EFCAB11: variants seen among roughly 807,000 people sequenced by gnomAD.
EFCAB11 encodes the protein EF-hand calcium binding domain 11, also known as EF-hand calcium-binding domain-containing protein 11.
A neutral mutation model predicts 23.0 loss-of-function variants in EFCAB11; 14 were observed. That is an observed-to-expected ratio of 0.61 (90% CI 0.40 to 0.95). The LOEUF (loss-of-function observed/expected upper bound fraction) is 0.95. Ranked by LOEUF, EFCAB11 falls within the 40% of genes least tolerant of loss-of-function variation. EFCAB11 has a pLI of 0.00. For synonymous variants in EFCAB11, 65 were observed against 66.6 expected (o/e 0.98, Z 0.11); for missense variants, 198 against 195.8 (o/e 1.01, Z -0.07).
intron 5 of EFCAB11, among the ~76,000 whole-genome samples, chr14:89,805,223 T>C (rs1242925539): frequency 3.3e-5 from 5 of 152,336 alleles, no homozygotes; most frequent in South Asian, 2.1e-4. Context: ...CTCTGTGCCA[T>C]GTAGCAGCTG....
At chr14:89,920,747 T>C (rs1394369810) in intron 5 of EFCAB11, among the ~76,000 whole-genome samples, 1 of 152,040 alleles carries the variant, frequency 6.6e-6, no homozygotes, top group East Asian at 1.9e-4. Flanking sequence ...AGGAAAGATA[T>C]TTTGTGGGCT....
intron 5 of EFCAB11, among the ~76,000 whole-genome samples, chr14:89,816,533 C>G (rs1401478049): frequency 2.0e-5 from 3 of 152,094 alleles, no homozygotes; most frequent in Admixed American, 6.5e-5. Flanking sequence ...TGTTAAAAGG[C>G]TTAAAAGGGA....
At chr14:89,935,117 T>C (rs772509447) in intron 3 of EFCAB11, among the ~76,000 whole-genome samples, 1 of 152,214 alleles carries the variant, frequency 6.6e-6, no homozygotes, top group African/African-American at 2.4e-5. Flanking sequence ...CTCTGATTTC[T>C]CTCAGCTAAG....
intron 5 of EFCAB11, among the ~76,000 whole-genome samples, chr14:89,917,096 G>GTA (rs1491025204): frequency 9.9e-6 from 1 of 100,982 alleles, no homozygotes; most frequent in Non-Finnish European, 1.7e-5. Flanking sequence ...GTGTGTGTGT[G>GTA]TATGTGTGTG....
chr14:89,853,955 A>G (rs570279306), intron 5 of EFCAB11, among the ~76,000 whole-genome samples: 54 of 152,224 alleles, frequency 3.5e-4, no homozygotes, highest in Non-Finnish European at 6.6e-4. Flanking sequence ...GAAAAAATGG[A>G]AAGTTTATAG....
At chr14:89,829,660 A>T (rs1596387446) in intron 5 of EFCAB11, among the ~76,000 whole-genome samples, 1 of 152,358 alleles carries the variant, frequency 6.6e-6, no homozygotes, top group East Asian at 1.9e-4. Flanking sequence ...AGGTAGAATC[A>T]AATGGCAAAA....
chr14:89,831,476 C>G (rs1049384101), intron 5 of EFCAB11, among the ~76,000 whole-genome samples: 1 of 152,194 alleles, frequency 6.6e-6, no homozygotes, highest in East Asian at 1.9e-4. Context: ...TGTGATATCA[C>G]TACAATAATA....
intron 3 of EFCAB11, among the ~76,000 whole-genome samples, chr14:89,941,521 C>A (rs1313019630): frequency 6.6e-6 from 1 of 151,666 alleles, no homozygotes; most frequent in Admixed American, 6.6e-5. Context: ...CCACTCTGGG[C>A]AAATTATTTA....
At chr14:89,818,948 A>G (rs1314364564) in intron 5 of EFCAB11, among the ~76,000 whole-genome samples, 2 of 152,238 alleles carry the variant, frequency 1.3e-5, no homozygotes, top group African/African-American at 4.8e-5. Context: ...GCCACTTCGG[A>G]AAAATTAGGC....
intron 5 of EFCAB11, among the ~76,000 whole-genome samples, chr14:89,900,438 C>A (rs1291022111): frequency 6.6e-6 from 1 of 152,142 alleles, no homozygotes; most frequent in Non-Finnish European, 1.5e-5. Flanking sequence ...GACAAATTTT[C>A]TGACTTGAAT....
At position 89,930,544 on chromosome 14, in the gene EFCAB11, C is replaced by T. The variant is rs1041658435; in HGVS notation, c.410+997G>A. On this transcript the variant is annotated intron_variant, in intron 5 of 5. Coordinates refer to ENST00000316738, the MANE Select transcript of EFCAB11 (RefSeq NM_145231.4). ...ATAATATATATCCTGAAAAGGAGTG[C>T]ATACCTTCTACTTTCTTTTCCTCCT... 2.0e-5 allele frequency among the ~76,000 whole-genome samples: 3 copies of T among 152,310 alleles called. No individual in the cohort carries two copies. The East Asian group carries it at 5.8e-4, about 29-fold the overall frequency.
At chr14:89,819,526 C>A (rs994785473) in intron 5 of EFCAB11, among the ~76,000 whole-genome samples, 2 of 152,072 alleles carry the variant, frequency 1.3e-5, no homozygotes, top group African/African-American at 2.4e-5. Context: ...TTCAAGTGAT[C>A]CTCCCTGGTC....
chr14:89,916,838 T>A (rs1167090545), intron 5 of EFCAB11, among the ~76,000 whole-genome samples: 2 of 152,152 alleles, frequency 1.3e-5, no homozygotes, highest in African/African-American at 4.8e-5. Flanking sequence ...AAGACTTGGG[T>A]TAAGAAAAGC....
At chr14:89,924,785 A>G in intron 5 of EFCAB11, 2 of 1,208,602 alleles carry the variant, frequency 1.7e-6, no homozygotes, top group East Asian at 2.6e-5. Flanking sequence ...TCCTGACTGC[A>G]TTTTAAAGGA....
At chr14:89,817,258 G>A (rs1345673748) in intron 5 of EFCAB11, among the ~76,000 whole-genome samples, 4 of 152,160 alleles carry the variant, frequency 2.6e-5, no homozygotes, top group East Asian at 1.9e-4. Flanking sequence ...ACTAACACCT[G>A]TAACCCCAGT....
At chr14:89,937,973 A>G (rs1246449533) in intron 3 of EFCAB11, 1 of 152,060 alleles carries the variant, frequency 6.6e-6, no homozygotes, top group Non-Finnish European at 1.5e-5. Context: ...ATCATCTTTC[A>G]CCACAGGGGA....
At chr14:89,811,319 C>T (rs535650614) in intron 5 of EFCAB11, among the ~76,000 whole-genome samples, 10 of 152,176 alleles carry the variant, frequency 6.6e-5, no homozygotes, top group African/African-American at 9.6e-5. Context: ...ATGCAAAGAG[C>T]GATGGGAAGT....
intron 5 of EFCAB11, among the ~76,000 whole-genome samples, chr14:89,875,385 A>T (rs1888403855): frequency 6.6e-6 from 1 of 152,162 alleles, no homozygotes; most frequent in African/African-American, 2.4e-5. Flanking sequence ...TCAAGATGAG[A>T]TTTGGGTGGG....
At chr14:89,903,022 G>A (rs1179228345) in intron 5 of EFCAB11, among the ~76,000 whole-genome samples, 1 of 152,186 alleles carries the variant, frequency 6.6e-6, no homozygotes, top group African/African-American at 2.4e-5. Context: ...GCCAGAAAAA[G>A]GAGACACAAC....
Sources: gnomAD v4.1 joint callset for allele counts (sites outside exome capture counted in the v4.1 genomes callset) on GRCh38, gnomAD v4.1.1 for gene constraint, MANE v1.5 for transcripts, NCBI Gene and HGNC (gene_info 2026-07-23, HGNC 2026-07-21) for gene names.